The following CLEC19A variants were observed in gnomAD, a reference collection of about 807,000 sequenced individuals.
CLEC19A encodes the protein C-type lectin domain family 19 member A.
CLEC19A carries 21 observed loss-of-function variants against 26.1 expected under a neutral mutation model. The ratio of observed to expected loss-of-function variants is 0.80; its 90% CI spans 0.57 to 1.16. CLEC19A has a LOEUF of 1.16. CLEC19A is among the 50% of genes most tolerant of loss of function. The pLI is 0.00. For synonymous variants in CLEC19A, 89 were observed against 88.6 expected, an observed-to-expected ratio of 1.00 and a Z score of -0.03; for missense variants, 224 against 227.6, an observed-to-expected ratio of 0.98 and a Z score of 0.10.
chr16:19,294,247 C>T (rs1053945756), intron 1 of CLEC19A, among the ~76,000 whole-genome samples: 5 of 152,190 alleles, frequency 3.3e-5, no homozygotes, highest in Non-Finnish European at 7.3e-5. Flanking sequence ...CCACTACCGC[C>T]GTGCAGAAAG....
chr16:19,304,044 T>C lies in CLEC19A; in HGVS notation c.255-18T>C. 2 of 1,540,676 alleles carry C rather than the reference T, an allele frequency of 1.3e-6. No individual in the cohort carries two copies. The highest frequency in any genetic ancestry group is 1.8e-6 in the Non-Finnish European group (2 of 1,138,920). On this transcript the variant is annotated intron_variant, in intron 2 of 4. Coordinates refer to ENST00000636231, the MANE Select transcript of CLEC19A (RefSeq NM_001256720.2). The stretch of plus-strand genomic sequence containing the variant: ...AGAGGCCATGAGGAATCAGCTACTA[T>C]TATTCTTAAATTCGCAGCTGGGAGG...
Position 19,310,079 on chromosome 16 carries a change from T to C in CLEC19A, c.*996T>C, listed in dbSNP as rs1198883522. 6.6e-6 allele frequency: 1 copy of C among 152,154 alleles called. No individual in the cohort carries two copies. The highest frequency in any genetic ancestry group is 1.5e-5 in the Non-Finnish European group (1 of 68,036). 9.4% of individuals were successfully genotyped at this position (152,154 alleles called of 1,614,324 possible). On this transcript the variant is annotated 3_prime_UTR_variant, in exon 5 of 5. Transcript: ENST00000636231. ...AATAGTGAAGCCACTGTGGAAAAGT[T>C]TGGCAGTTCCTCAAAAAGTTAAACA... is the stretch of plus-strand genomic sequence containing the variant.
Position 19,285,762 on chromosome 16 carries a change from G to A in CLEC19A, c.-90G>A. 8.9e-7 allele frequency: 1 copy of A among 1,126,922 alleles called. No individual in the cohort carries two copies. The highest frequency in any genetic ancestry group is 1.3e-6 in the Non-Finnish European group (1 of 767,374). 69.8% of individuals were successfully genotyped at this position (1,126,922 alleles called of 1,614,324 possible). The stretch of plus-strand genomic sequence containing the variant: ...TCCCAGCTCCTGCCAGGCTCCATCT[G>A]ACCCTAGGAGAGCAATCCTGGACCC... On this transcript the variant is annotated 5_prime_UTR_variant, in exon 1 of 5. Transcript: ENST00000636231.
Position 19,298,710 on chromosome 16 carries a change from G to C in CLEC19A, c.126G>C (p.Leu42=). 1 of 1,551,130 alleles carries C rather than the reference G, an allele frequency of 6.4e-7. No individual in the cohort carries two copies. The highest frequency in any genetic ancestry group is 8.7e-7 in the Non-Finnish European group (1 of 1,147,102). The change falls in exon 2 of 5, where the codon CTG becomes CTC. Residue 42 remains leucine (L), a synonymous_variant. Transcript: ENST00000636231. The part of the protein sequence containing the change: ...PELPLPSLCP[L]FWMEFKGHCY... Reference sequence around the variant, plus strand: ...TGCCCCTGCCTTCCCTGTGCCCCCTGTTCTGGATGGAGTTCAAAGGCCACT... The same window carrying C: ...TGCCCCTGCCTTCCCTGTGCCCCCTCTTCTGGATGGAGTTCAAAGGCCACT...
intron 1 of CLEC19A, among the ~76,000 whole-genome samples, chr16:19,289,514 A>T (rs1897537610): frequency 6.6e-6 from 1 of 152,204 alleles, no homozygotes. Flanking sequence ...CTCAAGTCTC[A>T]ATAGAGTCTC....
intron 1 of CLEC19A, among the ~76,000 whole-genome samples, chr16:19,289,016 G>A (rs1263230521): frequency 6.6e-6 from 1 of 152,146 alleles, no homozygotes; most frequent in Non-Finnish European, 1.5e-5. Flanking sequence ...CCTCTGAGCT[G>A]GAACTGGCTT....
At position 19,300,855 on chromosome 16, in the gene CLEC19A, T is replaced by C. The variant is rs377134617; in HGVS notation, c.254+2017T>C. Among the ~76,000 whole-genome samples the C allele has an allele frequency of 2.0e-4, 31 of 152,008 alleles. 1 individual carries two copies. The highest frequency in any genetic ancestry group is 6.8e-4 in the African/African-American group (28 of 41,428). ...GGAGGACAGGCCAGTCCTATGGGAG[T>C]TGGAGCCATGGAGGAGAGGCAGCCC... On this transcript the variant is annotated intron_variant, in intron 2 of 4. Coordinates refer to ENST00000636231, the MANE Select transcript of CLEC19A (RefSeq NM_001256720.2).
intron 1 of CLEC19A, among the ~76,000 whole-genome samples, chr16:19,291,281 G>A (rs1897578018): frequency 1.3e-5 from 2 of 152,182 alleles, no homozygotes; most frequent in Admixed American, 1.3e-4. Context: ...AATAGTACTT[G>A]TTGAATGGAT....
chr16:19,299,664 A>C (rs1287984662), intron 2 of CLEC19A, among the ~76,000 whole-genome samples: 1 of 152,162 alleles, frequency 6.6e-6, no homozygotes, highest in East Asian at 1.9e-4. Context: ...CAGCTCTGAC[A>C]ACATCTCTTC....
chr16:19,295,728 G>A (rs1897692950), intron 1 of CLEC19A, among the ~76,000 whole-genome samples: 1 of 152,162 alleles, frequency 6.6e-6, no homozygotes, highest in South Asian at 2.1e-4. Context: ...GTGGAAAGAA[G>A]GTAGAAATGA....
Position 19,298,739 on chromosome 16 carries a change from A to G in CLEC19A, c.155A>G (p.Tyr52Cys), listed in dbSNP as rs1398609633. ...LFWMEFKGHC[Y>C]RFFPLNKTWA... ...TGGATGGAGTTCAAAGGCCACTGCT[A>G]TCGATTCTTCCCTCTCAATAAGACC... The change falls in exon 2 of 5, where the codon TAT becomes TGT. Residue 52 changes from tyrosine to cysteine, a missense_variant. Coordinates refer to ENST00000636231, the MANE Select transcript of CLEC19A (RefSeq NM_001256720.2). The G allele has an allele frequency of 3.2e-6, 5 of 1,550,684 alleles. No individual in the cohort carries two copies. The highest frequency in any genetic ancestry group is 1.4e-5 in the African/African-American group (1 of 72,858).
chr16:19,304,370 G>A, intron 3 of CLEC19A: 42 of 298,348 alleles, frequency 1.4e-4, no homozygotes, highest in East Asian at 5.5e-4. Flanking sequence ...CATGGTCAGA[G>A]AAAACCTGTT....
chr16:19,301,736 G>GTTTTTTTTTTTGTTTT (rs1897829713), intron 2 of CLEC19A, among the ~76,000 whole-genome samples: 1 of 81,496 alleles, frequency 1.2e-5, no homozygotes, highest in Non-Finnish European at 2.3e-5. Context: ...GGTTTTTTTG[G>GTTTTTTTTTTTGTTTT]TTTTTTTTTT....
chr16:19,302,507 T>C (rs1013008706), intron 2 of CLEC19A, among the ~76,000 whole-genome samples: 12 of 152,162 alleles, frequency 7.9e-5, no homozygotes, highest in African/African-American at 2.9e-4. Flanking sequence ...ACACAAAAGG[T>C]ACATCGACAT....
chr16:19,303,698 G>A (rs763280932), intron 2 of CLEC19A, among the ~76,000 whole-genome samples: 4 of 152,190 alleles, frequency 2.6e-5, no homozygotes, highest in Non-Finnish European at 5.9e-5. Flanking sequence ...GAACAGAAAT[G>A]ACTAGTGGAA....
intron 1 of CLEC19A, among the ~76,000 whole-genome samples, chr16:19,294,211 G>A (rs1042633911): frequency 6.6e-6 from 1 of 151,850 alleles, no homozygotes; most frequent in Non-Finnish European, 1.5e-5. Flanking sequence ...TACACAATAT[G>A]GTGAATTTGA....
chr16:19,292,308 T>C (rs949566254), intron 1 of CLEC19A, among the ~76,000 whole-genome samples: 2 of 151,920 alleles, frequency 1.3e-5, no homozygotes, highest in African/African-American at 4.8e-5. Context: ...GGCCTGGGAG[T>C]CTGAAGGTCC....
chr16:19,301,727 G>GTTTTT (rs1215000402), intron 2 of CLEC19A, among the ~76,000 whole-genome samples: 5 of 28,556 alleles, frequency 1.8e-4, no homozygotes, highest in African/African-American at 4.3e-4. Context: ...CCATGCCCAG[G>GTTTTT]TTTTTTTGGT....
chr16:19,298,498 G>T (rs1897751231), intron 1 of CLEC19A, among the ~76,000 whole-genome samples, 175 bp from the exon 2 acceptor site: 1 of 152,036 alleles, frequency 6.6e-6, no homozygotes, highest in African/African-American at 2.4e-5. Flanking sequence ...GCTGAGAGTT[G>T]GAGGCTGCAA....
Sources: allele counts gnomAD v4.1 joint callset (sites outside exome capture counted in the v4.1 genomes callset), GRCh38; gene constraint gnomAD v4.1.1; transcripts MANE v1.5; gene names NCBI Gene and HGNC (gene_info 2026-07-23, HGNC 2026-07-21).